The following TMEM132B variants were observed in gnomAD, a reference collection of about 807,000 sequenced individuals.
TMEM132B encodes transmembrane protein 132B.
A neutral mutation model predicts 90.8 loss-of-function variants in TMEM132B; 18 were observed. The observed-to-expected ratio is 0.20, with a 90% CI of 0.14 to 0.29. TMEM132B has a LOEUF of 0.29. Among genes scored for constraint, TMEM132B ranks in the 10% least tolerant of loss-of-function variants. The probability of loss-of-function intolerance (pLI) is 1.00; values close to 1 mark genes in which losing one functional copy is unlikely to be tolerated. For synonymous variants in TMEM132B, 504 were observed against 523.3 expected, an observed-to-expected ratio of 0.96 and a Z score of 0.50; for missense variants, 1,096 against 1,326.8, an observed-to-expected ratio of 0.83 and a Z score of 2.70.
intron 5 of TMEM132B, among the ~76,000 whole-genome samples, chr12:125,632,110 A>G (rs1028320569): frequency 6.6e-6 from 1 of 151,830 alleles, no homozygotes; most frequent in African/African-American, 2.4e-5. Context: ...TTTTGGTGAT[A>G]CAATTTACTT....
At position 125,555,601 on chromosome 12, in the gene TMEM132B, T is replaced by A. The variant is rs902684158; in HGVS notation, c.1294-28250T>A. 4.1e-5 allele frequency among the ~76,000 whole-genome samples: 6 copies of A among 147,392 alleles called. No individual in the cohort carries two copies. The East Asian group carries it at 6.3e-4, about 15-fold the overall frequency. On this transcript the variant is annotated intron_variant, in intron 4 of 8. Coordinates refer to ENST00000682704, the MANE Select transcript of TMEM132B (RefSeq NM_001366854.1). ...TGGGGGGAGGGATAGCATTAGGAGA[T>A]ATACCTAATGTAAATGACGAGTTAA...
chr12:125,308,154 G>C (rs997219016), intron 1 of TMEM132B, among the ~76,000 whole-genome samples: 8 of 97,178 alleles, frequency 8.2e-5, no homozygotes, highest in Admixed American at 6.2e-4. Flanking sequence ...ACTATATATA[G>C]TATAAGTATA....
intron 1 of TMEM132B, among the ~76,000 whole-genome samples, chr12:125,224,379 C>T (rs1004864908): frequency 6.6e-6 from 1 of 152,158 alleles, no homozygotes; most frequent in East Asian, 1.9e-4. Context: ...CTTTTTTAAT[C>T]GTGAAAATTC....
At chr12:125,604,141 G>C (rs573454896) in intron 5 of TMEM132B, among the ~76,000 whole-genome samples, 3 of 152,252 alleles carry the variant, frequency 2.0e-5, no homozygotes, top group African/African-American at 7.2e-5. Flanking sequence ...AAAGACACAT[G>C]CACACATATG....
chr12:125,450,259 G>A (rs537076395), intron 3 of TMEM132B, among the ~76,000 whole-genome samples: 14 of 152,150 alleles, frequency 9.2e-5, no homozygotes, highest in Non-Finnish European at 1.9e-4. Context: ...GTTCTGGTCA[G>A]AGTAGATACA....
intron 1 of TMEM132B, among the ~76,000 whole-genome samples, chr12:125,309,062 C>A (rs1401108293): frequency 4.6e-5 from 7 of 152,148 alleles, no homozygotes; most frequent in Non-Finnish European, 8.8e-5. Context: ...GTGTAATATT[C>A]CATCATGTCA....
chr12:125,310,687 T>C (rs975881630), intron 1 of TMEM132B, among the ~76,000 whole-genome samples: 2 of 152,282 alleles, frequency 1.3e-5, no homozygotes, highest in South Asian at 2.1e-4. Context: ...CTGGTTACCA[T>C]GGCAACCGTA....
intron 1 of TMEM132B, among the ~76,000 whole-genome samples, chr12:125,188,396 G>A (rs1334575871): frequency 1.3e-5 from 2 of 152,214 alleles, no homozygotes; most frequent in Non-Finnish European, 2.9e-5. Flanking sequence ...CCTCGGACTT[G>A]AAAATTGCAG....
At chr12:125,608,915 A>G (rs1002859415) in intron 5 of TMEM132B, among the ~76,000 whole-genome samples, 1 of 152,174 alleles carries the variant, frequency 6.6e-6, no homozygotes, top group Non-Finnish European at 1.5e-5. Context: ...AAGAAATACT[A>G]GAGACTGGGT....
intron 2 of TMEM132B, among the ~76,000 whole-genome samples, chr12:125,397,244 T>C (rs1181202177): frequency 2.0e-5 from 3 of 152,176 alleles, no homozygotes; most frequent in African/African-American, 7.2e-5. Flanking sequence ...GTGCTGGGAT[T>C]AGAGAAGTTG....
chr12:125,570,889 C>G (rs1319179173), intron 4 of TMEM132B, among the ~76,000 whole-genome samples: 2 of 151,910 alleles, frequency 1.3e-5, no homozygotes, highest in African/African-American at 2.4e-5. Context: ...GGTGGCCAGG[C>G]CTTGGGGTTG....
At chr12:125,331,792 C>T (rs967759501) in intron 1 of TMEM132B, among the ~76,000 whole-genome samples, 2 of 152,184 alleles carry the variant, frequency 1.3e-5, no homozygotes, top group Admixed American at 6.5e-5. Flanking sequence ...GTTGCTCTGT[C>T]GCCCAGGCTG....
chr12:125,332,766 T>C (rs1158965648), intron 1 of TMEM132B, among the ~76,000 whole-genome samples: 1 of 152,172 alleles, frequency 6.6e-6, no homozygotes, highest in Non-Finnish European at 1.5e-5. Flanking sequence ...AAGTGGCTTC[T>C]CTTTGCAACA....
At chr12:125,347,296 G>A (rs981912513) in intron 1 of TMEM132B, among the ~76,000 whole-genome samples, 4 of 152,200 alleles carry the variant, frequency 2.6e-5, no homozygotes, top group Non-Finnish European at 5.9e-5. Context: ...ATTTAGGTAA[G>A]TAATTGGAGG....
At chr12:125,441,127 A>C (rs1491900) in intron 3 of TMEM132B, among the ~76,000 whole-genome samples, 85,003 of 152,084 alleles carry the variant, frequency 0.56, 25,420 homozygotes, top group African/African-American at 0.79. Flanking sequence ...TTGTCTCTAC[A>C]TGATAGGGTT....
chr12:125,475,700 T>A (rs1338895441), intron 3 of TMEM132B, among the ~76,000 whole-genome samples: 1 of 152,194 alleles, frequency 6.6e-6, no homozygotes. Context: ...GCACATGGCC[T>A]GTTGTGGGAC....
intron 2 of TMEM132B, among the ~76,000 whole-genome samples, chr12:125,399,007 G>A (rs1194440931): frequency 1.3e-5 from 2 of 152,180 alleles, no homozygotes; most frequent in East Asian, 1.9e-4. Context: ...GCTGGCTGGT[G>A]CCTGGAGGCT....
intron 4 of TMEM132B, among the ~76,000 whole-genome samples, chr12:125,561,677 C>CT (rs1162591936): frequency 6.6e-6 from 1 of 151,716 alleles, no homozygotes; most frequent in Non-Finnish European, 1.5e-5. Context: ...TGTGCGTTAT[C>CT]AATAAGCAGT....
chr12:125,395,739 T>G lies in TMEM132B; in HGVS notation c.960-19792T>G, dbSNP rs539373707. 7.2e-5 allele frequency among the ~76,000 whole-genome samples: 11 copies of G among 152,326 alleles called. 1 individual carries two copies. The highest frequency in any genetic ancestry group is 2.6e-4 in the African/African-American group (11 of 41,572). On this transcript the variant is annotated intron_variant, in intron 2 of 8. Transcript: ENST00000682704. ...AGGGTAATTTCCTGGCTCGTGTAAT[T>G]GAAGAGTTCGAAGAGAGTCTCAGGT... is the stretch of plus-strand genomic sequence containing the variant.
Sources: allele counts gnomAD v4.1 joint callset (sites outside exome capture counted in the v4.1 genomes callset), GRCh38; gene constraint gnomAD v4.1.1; transcripts MANE v1.5; gene names NCBI Gene and HGNC (gene_info 2026-07-23, HGNC 2026-07-21).